The following GRB2 variants were observed in gnomAD, a reference collection of about 807,000 sequenced individuals.
GRB2 encodes growth factor receptor-bound protein 2.
Under a neutral mutation model 27.4 loss-of-function variants are expected in GRB2, and 2 were observed. That is an observed-to-expected ratio of 0.07 (90% CI 0.03 to 0.23). The LOEUF (loss-of-function observed/expected upper bound fraction) is 0.23, where lower values mean the gene tolerates loss of function less well. GRB2 is among the 10% of genes least tolerant of loss of function. GRB2 has a pLI of 1.00. For missense variants in GRB2, 102 were observed against 282.4 expected (o/e 0.36, Z 4.58); for synonymous variants, 94 against 99.6 (o/e 0.94, Z 0.33).
chr17:75,350,595 C>T (rs2078684795), intron 2 of GRB2, among the ~76,000 whole-genome samples: 1 of 152,180 alleles, frequency 6.6e-6, no homozygotes, highest in Non-Finnish European at 1.5e-5. Flanking sequence ...GGGTTCACAC[C>T]ATTCTCCTGC....
chr17:75,387,230 G>C (rs552770719), intron 2 of GRB2, among the ~76,000 whole-genome samples: 2 of 151,924 alleles, frequency 1.3e-5, no homozygotes, highest in African/African-American at 2.4e-5. Flanking sequence ...AGCCAAGGTG[G>C]GTAGATATTT....
intron 2 of GRB2, among the ~76,000 whole-genome samples, chr17:75,377,124 G>A (rs2078899069): frequency 6.6e-6 from 1 of 151,640 alleles, no homozygotes; most frequent in Non-Finnish European, 1.5e-5. Flanking sequence ...GCAACATAGT[G>A]ACCCCCCGCT....
intron 1 of GRB2, among the ~76,000 whole-genome samples, chr17:75,399,681 TA>T (rs1311759630): frequency 9.3e-5 from 11 of 118,052 alleles, no homozygotes; most frequent in African/African-American, 2.8e-4. Context: ...ATTATTTATT[TA>T]TTTTTTTGAG....
chr17:75,372,019 A>C (rs1056018457), intron 2 of GRB2: 3 of 152,216 alleles, frequency 2.0e-5, no homozygotes, highest in African/African-American at 7.2e-5. Flanking sequence ...TGAAAAGAAA[A>C]CACAATAATT....
At chr17:75,341,447 TAAAAAAAA>T (rs61039194) in intron 2 of GRB2, among the ~76,000 whole-genome samples, 1 of 110,278 alleles carries the variant, frequency 9.1e-6, no homozygotes, top group Non-Finnish European at 1.8e-5. Flanking sequence ...GTGACTCCAT[TAAAAAAAA>T]AAAAAAAAAA....
At chr17:75,382,760 G>A (rs2078937348) in intron 2 of GRB2, among the ~76,000 whole-genome samples, 1 of 152,100 alleles carries the variant, frequency 6.6e-6, no homozygotes. Context: ...CCAGGCTAGA[G>A]TGCGGTGGCA....
At chr17:75,371,103 A>G (rs1344794570) in intron 2 of GRB2, 2 of 152,580 alleles carry the variant, frequency 1.3e-5, no homozygotes, top group Non-Finnish European at 2.9e-5. Context: ...TGAGTCCAGG[A>G]GTCCGAGACC....
Position 75,405,472 on chromosome 17 carries a change from C to G in GRB2, c.-138+17G>C, listed in dbSNP as rs1454682230. 6.6e-6 allele frequency: 1 copy of G among 152,578 alleles called. No individual in the cohort carries two copies. The highest frequency in any genetic ancestry group is 1.5e-5 in the Non-Finnish European group (1 of 68,112). 9.5% of individuals were successfully genotyped at this position (152,578 alleles called of 1,614,324 possible). ...AAAGGCACGAGAGAGGCGCCGAGCG[C>G]AGCCTCCCGTACTCACCGTGGCGCA... On this transcript the variant is annotated intron_variant, in intron 1 of 5. Transcript: ENST00000316804.
chr17:75,349,709 G>A (rs1347827087), intron 2 of GRB2, among the ~76,000 whole-genome samples: 3 of 151,688 alleles, frequency 2.0e-5, no homozygotes, highest in Non-Finnish European at 4.4e-5. Context: ...AAGTTGAGAC[G>A]AGGTTTGACC....
intron 1 of GRB2, among the ~76,000 whole-genome samples, chr17:75,396,095 C>T (rs552896832): frequency 8.4e-4 from 128 of 152,218 alleles, no homozygotes; most frequent in African/African-American, 3.0e-3. Flanking sequence ...ACTTTGGCCT[C>T]CCCAAGTGCT....
intron 1 of GRB2, among the ~76,000 whole-genome samples, chr17:75,403,154 AAATATATATATATAT>A (rs2145879751): frequency 6.9e-6 from 1 of 145,948 alleles, no homozygotes; most frequent in Admixed American, 6.9e-5. Flanking sequence ...TGACCAAAAA[AAATATATATATATAT>A]AAATATATAT....
At position 75,396,306 on chromosome 17, in the gene GRB2, G is replaced by A. The variant is rs149931926; in HGVS notation, c.-137-2541C>T. Among the ~76,000 whole-genome samples the A allele has an allele frequency of 4.9e-3, 746 of 151,980 alleles. 3 individuals carry two copies. Among genetic ancestry groups the A allele is most frequent in the Non-Finnish European group, 7.1e-3 (485 of 67,970 alleles). On this transcript the variant is annotated intron_variant, in intron 1 of 5. Coordinates refer to ENST00000316804, the MANE Select transcript of GRB2 (RefSeq NM_002086.5). The stretch of plus-strand genomic sequence containing the variant: ...TGTCCAGGCACGAGTGCAGTGGCAT[G>A]GTCATGGCTTACTGCATCCTTGATC...
intron 2 of GRB2, among the ~76,000 whole-genome samples, chr17:75,367,826 T>C (rs115475230): frequency 6.6e-5 from 10 of 152,188 alleles, no homozygotes; most frequent in African/African-American, 2.4e-4. Context: ...GAATGTCTCA[T>C]CTAATCATTA....
intron 2 of GRB2, among the ~76,000 whole-genome samples, chr17:75,377,100 C>T (rs903219690): frequency 4.0e-5 from 6 of 149,184 alleles, no homozygotes; most frequent in African/African-American, 1.5e-4. Context: ...GAGGATCACT[C>T]GAGACCAGCC....
At chr17:75,401,249 T>A (rs1363571262) in intron 1 of GRB2, among the ~76,000 whole-genome samples, 1 of 151,618 alleles carries the variant, frequency 6.6e-6, no homozygotes, top group Non-Finnish European at 1.5e-5. Flanking sequence ...ATCGAGACCA[T>A]CCTGGCTAAC....
intron 2 of GRB2, among the ~76,000 whole-genome samples, chr17:75,362,266 T>C (rs1567867396): frequency 1.3e-5 from 2 of 152,346 alleles, no homozygotes; most frequent in Middle Eastern, 3.4e-3. Flanking sequence ...TTTGTAGACA[T>C]TTTTTCCTTA....
At chr17:75,382,263 C>T (rs1166099418) in intron 2 of GRB2, among the ~76,000 whole-genome samples, 1 of 145,642 alleles carries the variant, frequency 6.9e-6, no homozygotes, top group East Asian at 2.0e-4. Flanking sequence ...GACCTTGTCT[C>T]AAAAAAAAAG....
chr17:75,386,222 G>A (rs1392012124), intron 2 of GRB2, among the ~76,000 whole-genome samples: 2 of 151,824 alleles, frequency 1.3e-5, no homozygotes, highest in Non-Finnish European at 2.9e-5. Flanking sequence ...GAGTTCAAGC[G>A]ATTCTCATGC....
chr17:75,344,855 ACCCCCCCGCCTGGGGGAGCAG>A (rs1439999250), intron 2 of GRB2, among the ~76,000 whole-genome samples: 2 of 144,236 alleles, frequency 1.4e-5, no homozygotes, highest in African/African-American at 2.6e-5. Context: ...CCCCCTCCCA[ACCCCCCCGCCTGGGGGAGCAG>A]CTGTTACTCA....
Sources: allele counts gnomAD v4.1 joint callset (sites outside exome capture counted in the v4.1 genomes callset), GRCh38; gene constraint gnomAD v4.1.1; transcripts MANE v1.5; gene names NCBI Gene and HGNC (gene_info 2026-07-23, HGNC 2026-07-21).